Variants in XIRP2 observed in about 807,000 individuals in gnomAD.
XIRP2 encodes xin actin-binding repeat-containing protein 2.
In XIRP2, 236 loss-of-function variants were observed where a neutral mutation model predicts 277.0. The ratio of observed to expected loss-of-function variants is 0.85; its 90% CI spans 0.77 to 0.95. The LOEUF (loss-of-function observed/expected upper bound fraction) is 0.95, where lower values mean the gene tolerates loss of function less well. XIRP2 is among the 40% of genes least tolerant of loss of function. The pLI is 0.00. For missense variants in XIRP2, 4,640 were observed against 4,157.5 expected (o/e 1.12, Z -3.19); for synonymous variants, 1,490 against 1,416.5 (o/e 1.05, Z -1.17).
In XIRP2 at chr2:167,218,255, T is replaced by C; in HGVS notation, c.813T>C (p.Asn271=). The C allele has an allele frequency of 6.2e-7, 1 of 1,608,310 alleles. No individual in the cohort carries two copies. The highest frequency in any genetic ancestry group is 8.5e-7 in the Non-Finnish European group (1 of 1,177,370). Reference sequence around the variant, plus strand: ...AGGACGAAATTACTTCTTCCCGTAATACCTTTGCTCAATACCAATATCAAC... The same window carrying C: ...AGGACGAAATTACTTCTTCCCGTAACACCTTTGCTCAATACCAATATCAAC... ...QFEDEITSSR[N]TFAQYQYQHQ... Residue 271 remains asparagine (N), a synonymous_variant, in exon 5 of 11, where the codon AAT becomes AAC. Coordinates refer to ENST00000409195, the MANE Select transcript of XIRP2 (RefSeq NM_152381.6).
At chr2:167,112,984 C>T (rs1304521874) in intron 2 of XIRP2, among the ~76,000 whole-genome samples, 1 of 151,836 alleles carries the variant, frequency 6.6e-6, no homozygotes, top group Admixed American at 6.6e-5. Context: ...GTGCTGTGGT[C>T]CAAGAGTTTG....
intron 2 of XIRP2, among the ~76,000 whole-genome samples, chr2:167,030,115 T>C (rs1437041193): frequency 6.6e-6 from 1 of 152,196 alleles, no homozygotes; most frequent in Non-Finnish European, 1.5e-5. Flanking sequence ...TTATTCTTTA[T>C]TAGTCTGGCT....
chr2:167,126,244 C>T (rs755090530), intron 2 of XIRP2, among the ~76,000 whole-genome samples: 19 of 151,960 alleles, frequency 1.3e-4, no homozygotes, highest in Admixed American at 3.9e-4. Context: ...TTTGAGGCCA[C>T]GGTAGTCTCA....
chr2:166,923,560 G>A lies in XIRP2; in HGVS notation c.408+19670G>A, dbSNP rs541714999. Among the ~76,000 whole-genome samples the A allele has an allele frequency of 4.6e-5, 7 of 152,096 alleles. No homozygotes were observed. The South Asian group carries it at 1.2e-3, about 27-fold the overall frequency. On this transcript the variant is annotated intron_variant, in intron 2 of 10. Coordinates refer to ENST00000409195, the MANE Select transcript of XIRP2 (RefSeq NM_152381.6). Reference sequence around the variant, plus strand: ...TTTCCATAAAGATATGACCATTAAAGTGACTGAAGTAGAAAGATAAGAATC... The same window carrying A: ...TTTCCATAAAGATATGACCATTAAAATGACTGAAGTAGAAAGATAAGAATC...
intron 2 of XIRP2, among the ~76,000 whole-genome samples, chr2:167,091,733 T>C (rs1690154077): frequency 6.6e-6 from 1 of 152,096 alleles, no homozygotes; most frequent in African/African-American, 2.4e-5. Context: ...ATTACATAAT[T>C]ACAGAACTAT....
intron 2 of XIRP2, among the ~76,000 whole-genome samples, chr2:166,969,661 G>A (rs1386853230): frequency 6.6e-6 from 1 of 151,408 alleles, no homozygotes; most frequent in African/African-American, 2.4e-5. Context: ...GCAATTTCAT[G>A]CTTGCTTTTT....
At chr2:167,057,842 A>G (rs1243812853) in intron 2 of XIRP2, among the ~76,000 whole-genome samples, 1 of 152,074 alleles carries the variant, frequency 6.6e-6, no homozygotes, top group Non-Finnish European at 1.5e-5. Flanking sequence ...TAATATCTCA[A>G]TAACTTGAAG....
intron 3 of XIRP2, among the ~76,000 whole-genome samples, chr2:167,174,823 G>C (rs372597113): frequency 4.6e-5 from 7 of 152,100 alleles, no homozygotes; most frequent in African/African-American, 1.7e-4. Flanking sequence ...ATTTATTTCT[G>C]CCTTAATTTT....
intron 2 of XIRP2, among the ~76,000 whole-genome samples, chr2:167,086,727 G>T (rs1235497675): frequency 6.6e-6 from 1 of 151,078 alleles, no homozygotes; most frequent in Non-Finnish European, 1.5e-5. Flanking sequence ...TCTCCCAGTT[G>T]ATCGCATCAG....
intron 2 of XIRP2, among the ~76,000 whole-genome samples, chr2:166,953,415 GC>G (rs1394847409): frequency 6.6e-6 from 1 of 151,960 alleles, no homozygotes; most frequent in Non-Finnish European, 1.5e-5. Context: ...ACATGCCCTT[GC>G]CTGCTGCCAT....
At chr2:167,137,304 C>T (rs1267036623) in intron 3 of XIRP2, among the ~76,000 whole-genome samples, 3 of 152,030 alleles carry the variant, frequency 2.0e-5, no homozygotes, top group Admixed American at 2.0e-4. Flanking sequence ...TTGGTATGCC[C>T]AATTAATATC....
intron 7 of XIRP2, among the ~76,000 whole-genome samples, chr2:167,241,283 C>T (rs1387095831): frequency 1.3e-5 from 2 of 151,974 alleles, no homozygotes; most frequent in African/African-American, 4.8e-5. Flanking sequence ...TACTTGATTA[C>T]ATGACTATAT....
chr2:167,205,858 G>T (rs1041851406), intron 3 of XIRP2, among the ~76,000 whole-genome samples: 1 of 151,896 alleles, frequency 6.6e-6, no homozygotes, highest in Admixed American at 6.6e-5. Context: ...CCATTTTTAT[G>T]TCTACCTTAT....
chr2:166,910,134 G>T (rs543182708), intron 2 of XIRP2, among the ~76,000 whole-genome samples: 1 of 152,208 alleles, frequency 6.6e-6, no homozygotes, highest in Non-Finnish European at 1.5e-5. Context: ...CATGAAATGA[G>T]TTAGGGAGGA....
chr2:166,986,059 C>T (rs1032892181), intron 2 of XIRP2, among the ~76,000 whole-genome samples: 5 of 152,138 alleles, frequency 3.3e-5, no homozygotes, highest in African/African-American at 1.2e-4. Context: ...GAGAGAGTAC[C>T]GTGCTTTGCA....
chr2:166,936,418 T>G (rs966109302), intron 2 of XIRP2, among the ~76,000 whole-genome samples: 1 of 152,238 alleles, frequency 6.6e-6, no homozygotes, highest in East Asian at 1.9e-4. Flanking sequence ...TTAGTTTAAT[T>G]AGATCCCATT....
chr2:166,932,708 G>A (rs544706053), intron 2 of XIRP2, among the ~76,000 whole-genome samples: 4 of 151,860 alleles, frequency 2.6e-5, no homozygotes, highest in African/African-American at 9.7e-5. Flanking sequence ...TAAACTTTTT[G>A]TGTGTCTGGT....
chr2:167,155,466 C>T (rs573666252), intron 3 of XIRP2, among the ~76,000 whole-genome samples: 2,679 of 151,980 alleles, frequency 0.018, 76 homozygotes, highest in African/African-American at 0.062. Context: ...CAATGTAATC[C>T]AGCATATAAA....
At chr2:167,239,366 A>T (rs913007286) in intron 5 of XIRP2, among the ~76,000 whole-genome samples, 3 of 152,236 alleles carry the variant, frequency 2.0e-5, no homozygotes, top group Non-Finnish European at 4.4e-5. Flanking sequence ...TAAGTTGCAG[A>T]TGGAATTAAG....
Sources: gnomAD v4.1 joint callset for allele counts (sites outside exome capture counted in the v4.1 genomes callset) on GRCh38, gnomAD v4.1.1 for gene constraint, MANE v1.5 for transcripts, NCBI Gene and HGNC (gene_info 2026-07-23, HGNC 2026-07-21) for gene names.